The following RAB36 variants were observed in gnomAD, a reference collection of about 807,000 sequenced individuals.
RAB36 encodes RAB36, member RAS oncogene family.
In RAB36, 33 loss-of-function variants were observed where a neutral mutation model predicts 39.3. That is an observed-to-expected ratio of 0.84 (90% CI 0.64 to 1.12). RAB36 has a LOEUF of 1.12. Among genes scored for constraint, RAB36 ranks in the 50% most tolerant of loss-of-function variants. The pLI is 0.00. For missense variants in RAB36, 308 were observed against 355.3 expected (o/e 0.87, Z 1.07); for synonymous variants, 133 against 140.2 (o/e 0.95, Z 0.36).
At chr22:23,149,252 A>G (rs966247741) in intron 2 of RAB36, among the ~76,000 whole-genome samples, 13 of 152,192 alleles carry the variant, frequency 8.5e-5, no homozygotes, top group East Asian at 1.9e-4. Flanking sequence ...AACAGCCTCA[A>G]TGGTGTCCTT....
At chr22:23,146,069 T>C (rs1405386853) in intron 1 of RAB36, 20 of 955,360 alleles carry the variant, frequency 2.1e-5, no homozygotes, top group Non-Finnish European at 2.5e-5. Context: ...TAGACACCTG[T>C]CAAGGGGAGA....
downstream of RAB36, among the ~76,000 whole-genome samples, chr22:23,168,662 C>T (rs947057765): frequency 6.6e-5 from 10 of 152,206 alleles, no homozygotes; most frequent in Middle Eastern, 3.2e-3. Context: ...GTATGACTGT[C>T]ACATGCTCCT....
At chr22:23,146,721 C>T (rs763409638) in intron 2 of RAB36, 36 bp downstream of exon 2, 2 of 1,608,404 alleles carry the variant, frequency 1.2e-6, no homozygotes, top group Non-Finnish European at 1.7e-6. Flanking sequence ...CTCTCCTGGC[C>T]CTGCAGCCAC....
intron 5 of RAB36, 85 bp from the exon 6 acceptor site, chr22:23,155,883 C>A: frequency 7.7e-7 from 1 of 1,301,678 alleles, no homozygotes; most frequent in Non-Finnish European, 1.0e-6. Flanking sequence ...GGGTCTCCCA[C>A]CCATGGTCCC....
In RAB36 at chr22:23,160,898, C is replaced by G; in HGVS notation, c.639C>G (p.Phe213Leu). 1 of 1,613,828 alleles carries G rather than the reference C, an allele frequency of 6.2e-7. No homozygotes were observed. The highest frequency in any genetic ancestry group is 8.5e-7 in the Non-Finnish European group (1 of 1,179,878). ...SAKTGENVKA[F>L]FSRVAALAFE... ...CCACAGGCGAGAACGTGAAGGCATT[C>G]TTCAGCCGCGTAGCCGCCCTGGCAT... Residue 213 changes from phenylalanine (F) to leucine (L), a missense_variant, in exon 10 of 11, where the codon TTC (phenylalanine) becomes TTG (leucine). Phe to Leu is a conservative substitution (Grantham distance 22). Transcript: ENST00000263116.
At chr22:23,153,167 A>G (rs2146532030) in intron 5 of RAB36, 33 bp downstream of exon 5, 1 of 1,505,112 alleles carries the variant, frequency 6.6e-7, no homozygotes, top group Non-Finnish European at 9.2e-7. Flanking sequence ...GCTCGTGGGC[A>G]GCTTCCTACA....
At chr22:23,151,374 G>A (rs1410182117) in intron 3 of RAB36, among the ~76,000 whole-genome samples, 1 of 152,160 alleles carries the variant, frequency 6.6e-6, no homozygotes, top group Non-Finnish European at 1.5e-5. Flanking sequence ...TAGGAGAAAT[G>A]GAGTCAGAAC....
At chr22:23,146,832 C>T (rs938937931) in intron 2 of RAB36, 147 bp downstream of exon 2, 2 of 1,408,940 alleles carry the variant, frequency 1.4e-6, no homozygotes, top group Admixed American at 2.7e-5. Flanking sequence ...GGAGACTGGT[C>T]ACTGACTGCC....
Position 23,145,492 on chromosome 22 carries a change from G to A in RAB36, c.-72G>A, listed in dbSNP as rs1490555433. 6.2e-7 allele frequency: 1 copy of A among 1,607,622 alleles called. No homozygotes were observed. The highest frequency in any genetic ancestry group is 8.5e-7 in the Non-Finnish European group (1 of 1,179,736). ...CGTGGCTCTCGTTGCCATGGTGATC[G>A]CCGCCGCTGGCTCAGGCGGACCAGG... is the stretch of plus-strand genomic sequence containing the variant. On this transcript the variant is annotated 5_prime_UTR_variant, in exon 1 of 11. Coordinates refer to ENST00000263116, the MANE Select transcript of RAB36 (RefSeq NM_004914.5).
rs200497505 is a variant in RAB36, at chr22:23,161,571, C to T, written c.*7C>T. The T allele has an allele frequency of 3.7e-6, 6 of 1,601,858 alleles. No individual in the cohort carries two copies. In the South Asian group the frequency reaches 5.6e-5, roughly 15 times the overall value. On this transcript the variant is annotated 3_prime_UTR_variant, in exon 11 of 11. Coordinates refer to ENST00000263116, the MANE Select transcript of RAB36 (RefSeq NM_004914.5). The stretch of plus-strand genomic sequence containing the variant: ...CAGCCTGGGCTGCTGCTAACTGGGG[C>T]CTGCGTGGAAGGCCTCCGCTCCCTG...
In RAB36 at chr22:23,152,514, G is replaced by A. The variant is rs1452052382; in HGVS notation, c.215G>A (p.Ser72Asn). The change falls in exon 4 of 11, where the codon AGC (serine) becomes AAC (asparagine). Residue 72 changes from serine to asparagine, a missense_variant. Coordinates refer to ENST00000263116, the MANE Select transcript of RAB36 (RefSeq NM_004914.5). ...GGCGATCTCTACGTGGGGAAGACCA[G>A]CCTCATCCACAGGTACAAGGCTTCC... The part of the protein sequence containing the change: ...VVGDLYVGKT[S>N]LIHRFCKNVF... 2.5e-6 allele frequency: 4 copies of A among 1,614,044 alleles called. No homozygotes were observed. Among genetic ancestry groups the A allele is most frequent in the African/African-American group, 1.3e-5 (1 of 74,924 alleles).
At chr22:23,145,643 C>T (rs1345775759) in intron 1 of RAB36, 92 bp downstream of exon 1, 6 of 1,361,558 alleles carry the variant, frequency 4.4e-6, no homozygotes, top group East Asian at 5.0e-5. Flanking sequence ...GCACAGCGTC[C>T]GCGCCCACTT....
At chr22:23,151,473 A>G (rs1309428545) in intron 3 of RAB36, among the ~76,000 whole-genome samples, 4 of 152,246 alleles carry the variant, frequency 2.6e-5, no homozygotes, top group African/African-American at 9.6e-5. Context: ...CAGGTGACAC[A>G]GTGGTGCCCT....
intron 7 of RAB36, among the ~76,000 whole-genome samples, chr22:23,158,254 T>C (rs1307552104): frequency 6.6e-6 from 1 of 152,130 alleles, no homozygotes; most frequent in African/African-American, 2.4e-5. Context: ...AGCACATGAG[T>C]GTGAGCCCAG....
chr22:23,150,522 C>T lies in RAB36; in HGVS notation c.161+368C>T, dbSNP rs9608079. Among the ~76,000 whole-genome samples, 428 of 152,040 alleles carry T rather than the reference C, an allele frequency of 2.8e-3. 5 individuals carry two copies. Among genetic ancestry groups the T allele is most frequent in the African/African-American group, 9.3e-3 (386 of 41,456 alleles). ...TTCACCATGTTAGCCAGGATGGTCT[C>T]GATCTCCTGACCTCGTGATCAGCCT... On this transcript the variant is annotated intron_variant, in intron 3 of 10. Coordinates refer to ENST00000263116, the MANE Select transcript of RAB36 (RefSeq NM_004914.5).
intron 2 of RAB36, among the ~76,000 whole-genome samples, chr22:23,147,420 C>T (rs141456999): frequency 5.9e-5 from 9 of 152,066 alleles, no homozygotes; most frequent in Non-Finnish European, 1.2e-4. Flanking sequence ...TCCTCTAACT[C>T]CTGGGCTGAA....
chr22:23,158,280 G>C (rs1805254519), intron 7 of RAB36, among the ~76,000 whole-genome samples: 1 of 152,202 alleles, frequency 6.6e-6, no homozygotes, highest in Non-Finnish European at 1.5e-5. Context: ...CCACCCCCAG[G>C]CACGTGCTCA....
chr22:23,155,861 C>A, intron 5 of RAB36, 107 bp from the exon 6 acceptor site: 1 of 995,574 alleles, frequency 1.0e-6, no homozygotes, highest in Non-Finnish European at 1.4e-6. Context: ...ATGCAGCTGG[C>A]ACAGGCCCTT....
chr22:23,153,958 G>A (rs1178750001), intron 5 of RAB36, among the ~76,000 whole-genome samples: 1 of 152,040 alleles, frequency 6.6e-6, no homozygotes, highest in Non-Finnish European at 1.5e-5. Context: ...CAAAGTGCTG[G>A]GATTACAGGT....
Sources: gnomAD v4.1 joint callset for allele counts (sites outside exome capture counted in the v4.1 genomes callset) on GRCh38, gnomAD v4.1.1 for gene constraint, MANE v1.5 for transcripts, NCBI Gene and HGNC (gene_info 2026-07-23, HGNC 2026-07-21) for gene names.